PARD3B: variants seen among roughly 807,000 people sequenced by gnomAD.
The protein encoded by PARD3B is par-3 family cell polarity regulator beta, also known as partitioning defective 3 homolog B.
PARD3B carries 103 observed loss-of-function variants against 130.2 expected under a neutral mutation model. That is an observed-to-expected ratio of 0.79 (90% CI 0.67 to 0.93). The LOEUF is 0.93. PARD3B is among the 40% of genes least tolerant of loss of function. PARD3B has a pLI of 0.00. For missense variants in PARD3B, 1,609 were observed against 1,499.2 expected (o/e 1.07, Z -1.21); for synonymous variants, 583 against 553.2 (o/e 1.05, Z -0.76).
At chr2:205,471,181 G>C (rs1420180118) in intron 20 of PARD3B, among the ~76,000 whole-genome samples, 1 of 152,058 alleles carries the variant, frequency 6.6e-6, no homozygotes, top group Non-Finnish European at 1.5e-5. Flanking sequence ...TAGATGTATT[G>C]TAGATCCATA....
chr2:205,331,589 C>T (rs2043131524), intron 18 of PARD3B, among the ~76,000 whole-genome samples: 1 of 151,750 alleles, frequency 6.6e-6, no homozygotes, highest in Non-Finnish European at 1.5e-5. Context: ...CGAGACCAGG[C>T]TGGCCAACAT....
At chr2:205,106,149 A>C (rs1425600765) in intron 5 of PARD3B, among the ~76,000 whole-genome samples, 2 of 151,550 alleles carry the variant, frequency 1.3e-5, no homozygotes. Flanking sequence ...TTATTTATTT[A>C]TTTTATTTTT....
intron 22 of PARD3B, among the ~76,000 whole-genome samples, chr2:205,557,919 T>C (rs1451347006): frequency 2.0e-5 from 3 of 152,072 alleles, no homozygotes; most frequent in African/African-American, 4.8e-5. Context: ...CTATCATAGA[T>C]GCACAACTTC....
chr2:204,863,058 A>C (rs562746032), intron 2 of PARD3B, among the ~76,000 whole-genome samples: 20 of 152,144 alleles, frequency 1.3e-4, no homozygotes, highest in Non-Finnish European at 2.6e-4. Context: ...GGCGGGCTCC[A>C]TCCGGGACCA....
rs1489277284 is a variant in PARD3B, at chr2:205,592,371, A to G, written c.3261-23085A>G. ...AGAAAGGGATGAGGCTGAAACTCAAATGAGTACCCATTTAAAGAAAAGAAA... is the reference window on the plus strand; with the variant it reads ...AGAAAGGGATGAGGCTGAAACTCAAGTGAGTACCCATTTAAAGAAAAGAAA... On this transcript the variant is annotated intron_variant, in intron 22 of 22. Coordinates refer to ENST00000406610, the MANE Select transcript of PARD3B (RefSeq NM_001302769.2). The surrounding 1 kb of genome is among the most constrained non-coding windows in gnomAD (Gnocchi z 4.5). 2.0e-5 allele frequency among the ~76,000 whole-genome samples: 3 copies of G among 152,156 alleles called. No individual in the cohort carries two copies. The highest frequency in any genetic ancestry group is 2.9e-5 in the Non-Finnish European group (2 of 68,026).
chr2:205,173,572 A>G (rs757126611), intron 12 of PARD3B, among the ~76,000 whole-genome samples: 1 of 152,190 alleles, frequency 6.6e-6, no homozygotes, highest in Non-Finnish European at 1.5e-5. Context: ...GTAAAGTTAT[A>G]TACTCTATCT....
intron 14 of PARD3B, among the ~76,000 whole-genome samples, chr2:205,191,164 T>A (rs1225120374): frequency 6.6e-6 from 1 of 151,782 alleles, no homozygotes; most frequent in East Asian, 1.9e-4. Context: ...ATCTCTTCAT[T>A]GGCAAATGCC....
chr2:205,047,582 C>T lies in PARD3B; in HGVS notation c.396C>T (p.Gly132=). The change falls in exon 4 of 23, where the codon GGC becomes GGT. Residue 132 remains glycine (G), a splice_region_variant and synonymous_variant. Transcript: ENST00000406610. ...IEVTPSALKL[G]TPLLVRRSSD... The stretch of plus-strand genomic sequence containing the variant: ...CTCACCTCTCACTTTGTCTTCCAGG[C>T]ACTCCACTGCTGGTGAGGAGAAGCA... The T allele has an allele frequency of 1.3e-6, 2 of 1,547,234 alleles. No individual in the cohort carries two copies. The highest frequency in any genetic ancestry group is 1.2e-5 in the South Asian group (1 of 83,856).
At chr2:205,282,385 A>G (rs993784511) in intron 16 of PARD3B, among the ~76,000 whole-genome samples, 4 of 151,712 alleles carry the variant, frequency 2.6e-5, no homozygotes, top group African/African-American at 9.7e-5. Context: ...GAAGCCAGGT[A>G]CTCATTAATT....
At chr2:204,552,508 T>C (rs2030535140) in intron 1 of PARD3B, among the ~76,000 whole-genome samples, 1 of 152,208 alleles carries the variant, frequency 6.6e-6, no homozygotes, top group South Asian at 2.1e-4. Flanking sequence ...TTCAATTAAG[T>C]CCCAGCTATT....
At position 205,619,714 on chromosome 2, in the gene PARD3B, TTC is replaced by T. The variant is rs2055540739; in HGVS notation, c.*3903_*3904del. 6.6e-6 allele frequency: 1 copy of T among 152,206 alleles called. No homozygotes were observed. The highest frequency in any genetic ancestry group is 2.4e-5 in the African/African-American group (1 of 41,452). 9.4% of individuals were successfully genotyped at this position (152,206 alleles called of 1,614,324 possible). A position where few individuals can be genotyped will look rare whatever the true frequency, so the allele number is the denominator to read the frequency against. The stretch of plus-strand genomic sequence containing the variant: ...CTAGAATCTCACACACAGCTGTGAC[TTC>T]TAAGTGAAACTCTTTTCTCCCTCAT... On this transcript the variant is annotated 3_prime_UTR_variant, in exon 23 of 23. Transcript: ENST00000406610.
chr2:205,301,659 C>T lies in PARD3B; in HGVS notation c.2588C>T (p.Pro863Leu), dbSNP rs371669668. 53 of 1,613,756 alleles carry T rather than the reference C, an allele frequency of 3.3e-5. No homozygotes were observed. The highest frequency in any genetic ancestry group is 4.2e-5 in the Non-Finnish European group (50 of 1,179,844). ...AAGCGCAAAGAGGAGAATGAAGATC[C>T]AGAAAGGAAAATAAAGAAGAAGGGC... ...EKKRKEENEDPERKIKKKGFG... is the reference protein window; with the variant it reads ...EKKRKEENEDLERKIKKKGFG... Residue 863 changes from proline (P) to leucine (L), a missense_variant, in exon 18 of 23, where the codon CCA becomes CTA. Physicochemically the swap from Pro to Leu is moderately conservative, Grantham distance 98 (BLOSUM62 -3). Coordinates refer to ENST00000406610, the MANE Select transcript of PARD3B (RefSeq NM_001302769.2). The surrounding 1 kb of genome is among the most constrained non-coding windows in gnomAD (Gnocchi z 5.2).
At chr2:205,547,759 C>T (rs1470885446) in intron 21 of PARD3B, among the ~76,000 whole-genome samples, 1 of 152,214 alleles carries the variant, frequency 6.6e-6, no homozygotes, top group East Asian at 1.9e-4. Context: ...ACCAAGCATA[C>T]CTCTCATTTA....
chr2:205,472,389 A>AT (rs35177240), intron 20 of PARD3B, among the ~76,000 whole-genome samples: 32,050 of 152,122 alleles, frequency 0.21, 7,296 homozygotes, highest in African/African-American at 0.58. Context: ...TTAGTAAAAA[A>AT]AAGTTAATTT....
At chr2:205,361,900 C>T (rs922492084) in intron 18 of PARD3B, among the ~76,000 whole-genome samples, 4 of 152,134 alleles carry the variant, frequency 2.6e-5, no homozygotes, top group Middle Eastern at 3.2e-3. Flanking sequence ...CACCCCCAGG[C>T]GTGGAGCCAA....
chr2:205,336,392 G>A lies in PARD3B; in HGVS notation c.2630+34691G>A, dbSNP rs192276641. Among the ~76,000 whole-genome samples, 110 of 152,312 alleles carry A rather than the reference G, an allele frequency of 7.2e-4. 1 individual carries two copies. The highest frequency in any genetic ancestry group is 2.3e-3 in the African/African-American group (94 of 41,586). On this transcript the variant is annotated intron_variant, in intron 18 of 22. Coordinates refer to ENST00000406610, the MANE Select transcript of PARD3B (RefSeq NM_001302769.2). ...ATTCCTGATTTTTACATTGGACTTA[G>A]AATCTCTGATCTTATTTCCCCAGGG... is the stretch of plus-strand genomic sequence containing the variant.
At chr2:204,574,541 G>A (rs565823744) in intron 1 of PARD3B, among the ~76,000 whole-genome samples, 4 of 152,286 alleles carry the variant, frequency 2.6e-5, no homozygotes, top group East Asian at 3.9e-4. Flanking sequence ...GCAGCATAGC[G>A]TGTTTGTCAT....
chr2:204,986,367 T>A (rs906711770), intron 3 of PARD3B, among the ~76,000 whole-genome samples: 5 of 152,184 alleles, frequency 3.3e-5, no homozygotes, highest in Admixed American at 6.5e-5. Flanking sequence ...TATGAAGTGT[T>A]ATCGACAGAG....
At chr2:204,785,058 C>A (rs548373022) in intron 2 of PARD3B, among the ~76,000 whole-genome samples, 1 of 152,012 alleles carries the variant, frequency 6.6e-6, no homozygotes, top group South Asian at 2.1e-4. Context: ...CTCTAATAAT[C>A]AATAGTAGTA....
Sources: gnomAD v4.1 joint callset for allele counts (sites outside exome capture counted in the v4.1 genomes callset) on GRCh38, gnomAD v4.1.1 for gene constraint, Gnocchi (gnomAD v3.1) non-coding constraint, MANE v1.5 for transcripts, NCBI Gene and HGNC (gene_info 2026-07-23, HGNC 2026-07-21) for gene names.